The following TMC5 variants were observed in gnomAD, a reference collection of about 807,000 sequenced individuals.
The protein encoded by TMC5 is transmembrane channel like 5, also known as transmembrane channel-like protein 5.
In TMC5, 86 loss-of-function variants were observed where a neutral mutation model predicts 110.5. The observed-to-expected ratio is 0.78, with a 90% CI of 0.65 to 0.93. TMC5 has a LOEUF of 0.93. TMC5 is among the 40% of genes least tolerant of loss of function. The pLI is 0.00. For missense variants in TMC5, 1,144 were observed against 1,222.8 expected, an observed-to-expected ratio of 0.94 and a Z score of 0.96; for synonymous variants, 455 against 439.5, an observed-to-expected ratio of 1.04 and a Z score of -0.44.
intron 17 of TMC5, among the ~76,000 whole-genome samples, chr16:19,489,063 T>A (rs566479429): frequency 6.6e-6 from 1 of 152,324 alleles, no homozygotes; most frequent in South Asian, 2.1e-4. Flanking sequence ...ACGCCCTTGC[T>A]CCTCTTGGCA....
intron 19 of TMC5, among the ~76,000 whole-genome samples, chr16:19,492,943 A>ATTTATATATATATATATATATATATAT (rs61334845): frequency 1.1e-5 from 1 of 92,078 alleles, no homozygotes; most frequent in Non-Finnish European, 2.4e-5. Context: ...TCTCTCTATA[A>ATTTATATATATATATATATATATATAT]GATAAATACT....
In TMC5 at chr16:19,444,155, G is replaced by A; in HGVS notation, c.863G>A (p.Gly288Glu). The A allele has an allele frequency of 6.2e-7, 1 of 1,614,110 alleles. No individual in the cohort carries two copies. Among genetic ancestry groups the A allele is most frequent in the Non-Finnish European group, 8.5e-7 (1 of 1,180,014 alleles). ...GATGACCCCGTGGGCAGTCTTTGGG[G>A]AGAGAATGATTACCCTGAAGGCATT... ...RSDDPVGSLW[G>E]ENDYPEGIEM... The change falls in exon 4 of 22, where the codon GGA becomes GAA. Residue 288 changes from glycine (G) to glutamate (E), a missense_variant. Gly to Glu is a moderately conservative substitution (Grantham distance 98). Coordinates refer to ENST00000542583, the MANE Select transcript of TMC5 (RefSeq NM_001261841.2).
intron 5 of TMC5, among the ~76,000 whole-genome samples, chr16:19,453,702 G>C (rs763631979): frequency 6.6e-5 from 10 of 151,994 alleles, no homozygotes; most frequent in Non-Finnish European, 1.2e-4. Flanking sequence ...CAGGAGGCAG[G>C]CACTGCAGTG....
chr16:19,456,618 T>G, intron 5 of TMC5: 1 of 1,520,732 alleles, frequency 6.6e-7, no homozygotes. Flanking sequence ...ACTTTTTCCC[T>G]GCGAGTCCCA....
chr16:19,466,194 G>A lies in TMC5; in HGVS notation c.1598G>A (p.Gly533Glu). Reference sequence around the variant, plus strand: ...CAGCTGGCCTACATCTTCACAATCGGAGCATGCTTGACCACCTGCTTCTTC... The same window carrying A: ...CAGCTGGCCTACATCTTCACAATCGAAGCATGCTTGACCACCTGCTTCTTC... Reference protein sequence around the residue: ...NMQLAYIFTIGACLTTCFFSL... With the variant: ...NMQLAYIFTIEACLTTCFFSL... Residue 533 changes from glycine to glutamate, a missense_variant, in exon 9 of 22, where the codon GGA becomes GAA. Gly to Glu is a moderately conservative substitution (Grantham distance 98). Coordinates refer to ENST00000542583, the MANE Select transcript of TMC5 (RefSeq NM_001261841.2). The A allele has an allele frequency of 1.2e-6, 2 of 1,614,074 alleles. No individual in the cohort carries two copies. Among genetic ancestry groups the A allele is most frequent in the Non-Finnish European group, 1.7e-6 (2 of 1,180,034 alleles).
At position 19,460,316 on chromosome 16, in the gene TMC5, A is replaced by G; in HGVS notation, c.1130A>G (p.Glu377Gly). The change falls in exon 6 of 22, where the codon GAA becomes GGA. Residue 377 changes from glutamate to glycine, a missense_variant. Physicochemically the swap from Glu to Gly is moderately conservative, Grantham distance 98 (BLOSUM62 -2). Coordinates refer to ENST00000542583, the MANE Select transcript of TMC5 (RefSeq NM_001261841.2). ...KAIRNQPRTM[E>G]EKRNLRKIVD... ...ATCAGGAACCAGCCAAGGACCATGG[A>G]AGAGAAAAGGAACCTTAGGTATGGA... 1 of 1,613,528 alleles carries G rather than the reference A, an allele frequency of 6.2e-7. No homozygotes were observed. Among genetic ancestry groups the G allele is most frequent in the Middle Eastern group, 1.7e-4 (1 of 6,060 alleles).
chr16:19,486,168 C>T (rs1023808384), intron 15 of TMC5, among the ~76,000 whole-genome samples: 1 of 152,186 alleles, frequency 6.6e-6, no homozygotes, highest in African/African-American at 2.4e-5. Flanking sequence ...AACAAAGTCT[C>T]ACACACTGAG....
chr16:19,416,951 A>C (rs1221247230), upstream of TMC5, among the ~76,000 whole-genome samples: 1 of 151,870 alleles, frequency 6.6e-6, no homozygotes, highest in Non-Finnish European at 1.5e-5. Context: ...AAAATTAGCC[A>C]GGTGTAGTGG....
intron 2 of TMC5, among the ~76,000 whole-genome samples, chr16:19,439,218 T>C (rs922035411): frequency 6.6e-6 from 1 of 152,218 alleles, no homozygotes; most frequent in African/African-American, 2.4e-5. Context: ...AAGTATCCTG[T>C]GGTCTGTGGA....
intron 1 of TMC5, among the ~76,000 whole-genome samples, chr16:19,421,689 C>A (rs1188945094): frequency 6.6e-6 from 1 of 152,226 alleles, no homozygotes; most frequent in African/African-American, 2.4e-5. Flanking sequence ...CTGCAAACAG[C>A]ATTGAATCTA....
At chr16:19,474,517 G>A (rs1388228950) in intron 12 of TMC5, among the ~76,000 whole-genome samples, 4 of 152,030 alleles carry the variant, frequency 2.6e-5, no homozygotes, top group Non-Finnish European at 5.9e-5. Flanking sequence ...GCCGGATGCT[G>A]GCTCTACAAA....
At chr16:19,448,304 GCACACA>G (rs35504788) in intron 4 of TMC5, among the ~76,000 whole-genome samples, 26 of 142,266 alleles carry the variant, frequency 1.8e-4, no homozygotes, top group East Asian at 1.6e-3. Flanking sequence ...ACACACACAC[GCACACA>G]CACACACACA....
At chr16:19,481,494 A>G (rs778710164) in intron 15 of TMC5, 29 bp downstream of exon 15, 9 of 1,502,504 alleles carry the variant, frequency 6.0e-6, no homozygotes, top group African/African-American at 1.4e-5. Flanking sequence ...CAAAATGCCC[A>G]GTGGTTCCCA....
chr16:19,413,911 C>T (rs1359569718), upstream of TMC5, among the ~76,000 whole-genome samples: 1 of 152,316 alleles, frequency 6.6e-6, no homozygotes, highest in South Asian at 2.1e-4. Flanking sequence ...TGGGATGATT[C>T]TAGTAGTACC....
intron 2 of TMC5, among the ~76,000 whole-genome samples, chr16:19,437,947 A>T (rs1453384438): frequency 1.3e-5 from 2 of 152,142 alleles, no homozygotes; most frequent in African/African-American, 4.8e-5. Context: ...TCTTGAGCCA[A>T]ACTCTGTGGC....
At chr16:19,412,648 G>A (rs997282025) in intron 1 of TMC5, among the ~76,000 whole-genome samples, 2 of 152,128 alleles carry the variant, frequency 1.3e-5, no homozygotes, top group Admixed American at 6.5e-5. Flanking sequence ...GATTACAGGC[G>A]TGAGCCACCG....
rs1967367664 is a variant in TMC5 at position 19,437,167 on chromosome 16, CCT to C, written c.-79-2792_-79-2791del. 4.6e-5 allele frequency among the ~76,000 whole-genome samples: 7 copies of C among 152,156 alleles called. No homozygotes were observed. The South Asian group carries it at 1.5e-3, about 32-fold the overall frequency. On this transcript the variant is annotated intron_variant, in intron 2 of 21. Transcript: ENST00000542583. ...TCTAGCCTGGACGGCAGAGTGAGAC[CCT>C]GTCTCAAAAAATAAAATAAAGTAAA...
At chr16:19,468,475 G>A (rs560839467) in intron 9 of TMC5, among the ~76,000 whole-genome samples, 3 of 149,418 alleles carry the variant, frequency 2.0e-5, no homozygotes, top group Non-Finnish European at 3.0e-5. Flanking sequence ...AATCTCCCCC[G>A]ACCCCCCCCA....
In TMC5 at chr16:19,479,470, C is replaced by T. The variant is rs969659312; in HGVS notation, c.2209C>T (p.Leu737Phe). The T allele has an allele frequency of 1.9e-6, 3 of 1,614,090 alleles. No individual in the cohort carries two copies. Among genetic ancestry groups the T allele is most frequent in the Non-Finnish European group, 2.5e-6 (3 of 1,179,990 alleles). The change falls in exon 14 of 22, where the codon CTT becomes TTT. Residue 737 changes from leucine to phenylalanine, a missense_variant. Physicochemically the swap from Leu to Phe is conservative, Grantham distance 22. Coordinates refer to ENST00000542583, the MANE Select transcript of TMC5 (RefSeq NM_001261841.2). ...TLIGQDIYRL[L>F]LMDFVFSLVN... ...CATTGGCCAGGACATCTACCGGCTCCTTCTGATGGATTTTGTGTTCTCTTT... is the reference window on the plus strand; with the variant it reads ...CATTGGCCAGGACATCTACCGGCTCTTTCTGATGGATTTTGTGTTCTCTTT...
Sources: gnomAD v4.1 joint callset for allele counts (sites outside exome capture counted in the v4.1 genomes callset) on GRCh38, gnomAD v4.1.1 for gene constraint, MANE v1.5 for transcripts, NCBI Gene and HGNC (gene_info 2026-07-23, HGNC 2026-07-21) for gene names.